The following RBFOX1 variants were observed in gnomAD, a reference collection of about 807,000 sequenced individuals.
The protein encoded by RBFOX1 is RNA binding fox-1 homolog 1, also known as RNA binding protein fox-1 homolog 1.
RBFOX1 carries 8 observed loss-of-function variants against 57.7 expected under a neutral mutation model. The ratio of observed to expected loss-of-function variants is 0.14; its 90% CI spans 0.08 to 0.25. The LOEUF is 0.25. Among genes scored for constraint, RBFOX1 ranks in the 10% least tolerant of loss-of-function variants. The probability of loss-of-function intolerance (pLI) is 1.00; values close to 1 mark genes in which losing one functional copy is unlikely to be tolerated. For synonymous variants in RBFOX1, 326 were observed against 222.4 expected, an observed-to-expected ratio of 1.47 and a Z score of -4.15; for missense variants, 611 against 548.5, an observed-to-expected ratio of 1.11 and a Z score of -1.14.
At chr16:5,493,503 C>T (rs571111626) in intron 2 of RBFOX1, among the ~76,000 whole-genome samples, 1 of 152,346 alleles carries the variant, frequency 6.6e-6, no homozygotes, top group East Asian at 1.9e-4. Flanking sequence ...AAGTACCCTG[C>T]CTCCATCAGC....
chr16:7,517,388 G>T (rs62012729), intron 4 of RBFOX1, among the ~76,000 whole-genome samples: 16,585 of 152,032 alleles, frequency 0.11, 939 homozygotes, highest in East Asian at 0.17. Context: ...GGCAGGGAGG[G>T]AGAGGCATTG....
chr16:6,865,237 A>G (rs1349961513), intron 3 of RBFOX1, among the ~76,000 whole-genome samples: 4 of 151,894 alleles, frequency 2.6e-5, no homozygotes, highest in Non-Finnish European at 5.9e-5. Context: ...TCCTGACCTC[A>G]GGTGATCCAC....
intron 2 of RBFOX1, among the ~76,000 whole-genome samples, chr16:6,514,821 G>T (rs2096339679): frequency 6.6e-6 from 1 of 151,982 alleles, no homozygotes; most frequent in South Asian, 2.1e-4. Context: ...AGTGTTCATG[G>T]ATCCGCCCTC....
At chr16:5,683,435 G>A (rs1446901837) in intron 3 of RBFOX1, among the ~76,000 whole-genome samples, 2 of 151,940 alleles carry the variant, frequency 1.3e-5, no homozygotes, top group South Asian at 2.1e-4. Context: ...TGTGGGTGTC[G>A]CCAAAAGAGA....
rs1428940030 is a variant in RBFOX1, at chr16:6,574,713, T to C, written c.-63-79890T>C. On this transcript the variant is annotated intron_variant, in intron 2 of 15. Coordinates refer to ENST00000550418, the MANE Select transcript of RBFOX1 (RefSeq NM_018723.4). ...AAAGTGCTGGGATTACAGGCGTGAC[T>C]ACCGCGCCCGGCCCGTATCTTCTAT... Among the ~76,000 whole-genome samples the C allele has an allele frequency of 3.6e-3, 403 of 113,282 alleles. 1 individual carries two copies. The highest frequency in any genetic ancestry group is 5.5e-3 in the Non-Finnish European group (296 of 54,022). 74.3% of individuals were successfully genotyped at this position (113,282 alleles called of 152,430 possible). A position where few individuals can be genotyped will look rare whatever the true frequency, so the allele number is the denominator to read the frequency against.
intron 14 of RBFOX1, among the ~76,000 whole-genome samples, chr16:7,697,654 G>C (rs2079214023): frequency 6.6e-6 from 1 of 152,152 alleles, no homozygotes. Context: ...GAAACATTTA[G>C]TAGCTTGCCC....
intron 3 of RBFOX1, among the ~76,000 whole-genome samples, chr16:6,706,799 G>C (rs142372971): frequency 6.7e-6 from 1 of 149,680 alleles, no homozygotes; most frequent in African/African-American, 2.5e-5. Flanking sequence ...AGGAATAACA[G>C]AAAATTGTCC....
chr16:6,605,236 T>C (rs1362838584), intron 2 of RBFOX1, among the ~76,000 whole-genome samples: 1 of 149,822 alleles, frequency 6.7e-6, no homozygotes, highest in African/African-American at 2.5e-5. Context: ...TCTCTCAAAA[T>C]AAAATAATAA....
intron 3 of RBFOX1, among the ~76,000 whole-genome samples, chr16:5,652,991 G>A (rs2049290044): frequency 6.6e-6 from 1 of 152,176 alleles, no homozygotes; most frequent in East Asian, 1.9e-4. Context: ...CTGAGCTGCT[G>A]TGCAGAAGGT....
At chr16:6,483,721 A>C in intron 2 of RBFOX1, 3 of 1,416,656 alleles carry the variant, frequency 2.1e-6, no homozygotes, top group African/African-American at 1.4e-5. Context: ...GAGTGTGCAA[A>C]TTGACATTTT....
At chr16:5,246,660 T>C (rs1468427953) in intron 1 of RBFOX1, among the ~76,000 whole-genome samples, 4 of 151,858 alleles carry the variant, frequency 2.6e-5, no homozygotes, top group African/African-American at 9.7e-5. Flanking sequence ...TTAAACTTTT[T>C]AATTTTCTTT....
intron 2 of RBFOX1, among the ~76,000 whole-genome samples, chr16:6,523,930 G>A (rs1314500498): frequency 1.3e-5 from 2 of 152,016 alleles, no homozygotes; most frequent in Non-Finnish European, 2.9e-5. Context: ...TTTGATACAG[G>A]GATACAATGT....
At chr16:7,342,811 C>A (rs1603625386) in intron 4 of RBFOX1, among the ~76,000 whole-genome samples, 1 of 152,086 alleles carries the variant, frequency 6.6e-6, no homozygotes, top group South Asian at 2.1e-4. Flanking sequence ...CTTCCCACTC[C>A]CTAAGCCAAT....
At chr16:6,774,230 C>A (rs964494000) in intron 3 of RBFOX1, among the ~76,000 whole-genome samples, 1 of 152,076 alleles carries the variant, frequency 6.6e-6, no homozygotes, top group Non-Finnish European at 1.5e-5. Context: ...TTGGTTTTGT[C>A]TACATTTGAA....
At chr16:5,490,471 G>C (rs1034882114) in intron 2 of RBFOX1, among the ~76,000 whole-genome samples, 2 of 152,208 alleles carry the variant, frequency 1.3e-5, no homozygotes, top group African/African-American at 4.8e-5. Flanking sequence ...GGCAGAGAGA[G>C]GCGTCCTGGG....
chr16:6,569,068 T>G (rs543291239), intron 2 of RBFOX1, among the ~76,000 whole-genome samples: 1 of 152,218 alleles, frequency 6.6e-6, no homozygotes, highest in Non-Finnish European at 1.5e-5. Flanking sequence ...TTGGATAATA[T>G]GCTACTTAAG....
intron 5 of RBFOX1, among the ~76,000 whole-genome samples, chr16:7,553,929 G>C (rs544328085): frequency 3.5e-4 from 54 of 152,304 alleles, no homozygotes; most frequent in Admixed American, 1.1e-3. Flanking sequence ...GTGTATGTCA[G>C]GCTCTATACA....
At chr16:6,295,099 G>GT (rs563055676) in intron 1 of RBFOX1, among the ~76,000 whole-genome samples, 1,241 of 95,996 alleles carry the variant, frequency 0.013, 106 homozygotes, top group African/African-American at 0.05. Context: ...TAAGCAGTGA[G>GT]TTTTTTTTTT....
intron 1 of RBFOX1, among the ~76,000 whole-genome samples, chr16:5,318,559 G>A (rs1596502490): frequency 6.6e-6 from 1 of 151,202 alleles, no homozygotes; most frequent in East Asian, 2.0e-4. Context: ...AGAAATAAGA[G>A]CAACCTATTT....
Sources: allele counts gnomAD v4.1 joint callset (sites outside exome capture counted in the v4.1 genomes callset), GRCh38; gene constraint gnomAD v4.1.1; transcripts MANE v1.5; gene names NCBI Gene and HGNC (gene_info 2026-07-23, HGNC 2026-07-21).